DBF4B: variants seen among roughly 807,000 people sequenced by gnomAD.
DBF4B encodes protein DBF4 homolog B.
A neutral mutation model predicts 53.4 loss-of-function variants in DBF4B; 49 were observed. The ratio of observed to expected loss-of-function variants is 0.92; its 90% CI spans 0.73 to 1.16. The LOEUF is 1.16. Among genes scored for constraint, DBF4B ranks in the 50% most tolerant of loss-of-function variants. The pLI is 0.00. For missense variants in DBF4B, 692 were observed against 775.0 expected, an observed-to-expected ratio of 0.89 and a Z score of 1.27; for synonymous variants, 257 against 288.7, an observed-to-expected ratio of 0.89 and a Z score of 1.11.
intron 6 of DBF4B, among the ~76,000 whole-genome samples, chr17:44,733,144 G>A (rs1324396055): frequency 1.4e-5 from 2 of 146,746 alleles, no homozygotes; most frequent in Non-Finnish European, 3.0e-5. Flanking sequence ...CAGCCTGGGC[G>A]ACAGAGCGAG....
intron 2 of DBF4B, among the ~76,000 whole-genome samples, chr17:44,713,556 A>G (rs567069946): frequency 3.3e-5 from 5 of 152,136 alleles, no homozygotes; most frequent in Middle Eastern, 3.4e-3. Flanking sequence ...AGACTGAGGC[A>G]GGAGAATCAC....
rs68091397 is a variant in DBF4B, at chr17:44,725,684, C to CTTT, written c.225+2680_225+2682dup. The stretch of plus-strand genomic sequence containing the variant: ...ATCCTGCCTTTGTTTTTTTGTGCTT[C>CTTT]TTTTTTTTTTTTTTTTTTTTAAGAG... On this transcript the variant is annotated intron_variant, in intron 3 of 13. Transcript: ENST00000315005. Among the ~76,000 whole-genome samples, 207 of 87,634 alleles carry CTTT rather than the reference C, an allele frequency of 2.4e-3. 14 individuals are homozygous for CTTT. Among genetic ancestry groups the CTTT allele is most frequent in the African/African-American group, 6.3e-3 (131 of 20,854 alleles). The allele number at this position is 87,634 out of a possible 152,430, so 57.5% of individuals were successfully genotyped here. A position where few individuals can be genotyped will look rare whatever the true frequency, so the allele number is the denominator to read the frequency against.
intron 6 of DBF4B, chr17:44,732,655 C>T (rs1466797557): frequency 5.7e-6 from 1 of 174,120 alleles, no homozygotes; most frequent in Non-Finnish European, 1.2e-5. Context: ...ATCACAAGGT[C>T]AAGAGTTCGA....
chr17:44,750,803 G>T lies in DBF4B; in HGVS notation c.1398G>T (p.Glu466Asp). The change falls in exon 14 of 14, where the codon GAG becomes GAT. Residue 466 changes from glutamate to aspartate, a missense_variant. Glu to Asp is a conservative substitution (Grantham distance 45). Around this residue, in one of 3 missense-constraint regions of DBF4B, gnomAD observed 597 missense variants for 665.8 expected, o/e 0.90. Transcript: ENST00000315005. Reference sequence around the variant, plus strand: ...CTTCCTTGGCTCTGCTGCCTGGGGAGTGGTCGCCTGCAGAGGACATGCCCC... The same window carrying T: ...CTTCCTTGGCTCTGCTGCCTGGGGATTGGTCGCCTGCAGAGGACATGCCCC... Reference protein sequence around the residue: ...LVTSLALLPGEWSPAEDMPLH... With the variant: ...LVTSLALLPGDWSPAEDMPLH... 3 of 1,614,222 alleles carry T rather than the reference G, an allele frequency of 1.9e-6. No individual in the cohort carries two copies. Among genetic ancestry groups the T allele is most frequent in the Non-Finnish European group, 2.5e-6 (3 of 1,180,050 alleles).
chr17:44,719,302 TCA>T lies in DBF4B; in HGVS notation c.83-3572_83-3571del, dbSNP rs553483821. Among the ~76,000 whole-genome samples, 24 of 152,094 alleles carry T rather than the reference TCA, an allele frequency of 1.6e-4. 2 individuals carry two copies. The South Asian group carries it at 4.8e-3, about 30-fold the overall frequency. ...CTTAACAGCTTTTTTGAGTTATAGT[TCA>T]CACACCACACAATTCATCCATATAA... On this transcript the variant is annotated intron_variant, in intron 2 of 13. Transcript: ENST00000315005.
At chr17:44,740,861 C>T (rs1324083978) in intron 9 of DBF4B, among the ~76,000 whole-genome samples, 4 of 152,182 alleles carry the variant, frequency 2.6e-5, no homozygotes, top group African/African-American at 7.2e-5. Context: ...AGGGGCCGGG[C>T]GTGGTGGCTC....
chr17:44,734,933 G>A (rs551246764), intron 7 of DBF4B, among the ~76,000 whole-genome samples: 1 of 152,190 alleles, frequency 6.6e-6, no homozygotes, highest in South Asian at 2.1e-4. Context: ...GTGAAACCCC[G>A]ACTGTGCTAA....
intron 3 of DBF4B, among the ~76,000 whole-genome samples, chr17:44,729,683 TACACACACACACAC>T (rs71361592): frequency 6.9e-4 from 95 of 138,232 alleles, no homozygotes; most frequent in Middle Eastern, 3.7e-3. Flanking sequence ...GTAATACACA[TACACACACACACAC>T]ACACACACAC....
intron 9 of DBF4B, among the ~76,000 whole-genome samples, chr17:44,740,343 A>G (rs1247040951): frequency 6.6e-6 from 1 of 152,162 alleles, no homozygotes; most frequent in Non-Finnish European, 1.5e-5. Flanking sequence ...GCAACCAAAC[A>G]TGGTGCACCC....
At chr17:44,729,151 A>C (rs1055611622) in intron 3 of DBF4B, among the ~76,000 whole-genome samples, 2 of 152,094 alleles carry the variant, frequency 1.3e-5, no homozygotes, top group South Asian at 2.1e-4. Context: ...ATTCATAACT[A>C]ATTTTTTTAA....
In DBF4B at chr17:44,750,809, GC is replaced by G; in HGVS notation, c.1406del (p.Pro469LeufsTer48). ...TGGCTCTGCTGCCTGGGGAGTGGTC[GC>G]CTGCAGAGGACATGCCCCTCCATCC... ...SLALLPGEWS[P>X]AEDMPLHPSQ... On this transcript the variant is annotated frameshift_variant, in exon 14 of 14. Coordinates refer to ENST00000315005, the MANE Select transcript of DBF4B (RefSeq NM_145663.3). LOFTEE classifies it low-confidence loss of function (END_TRUNC). 6.2e-7 allele frequency: 1 copy of G among 1,614,202 alleles called. No individual in the cohort carries two copies. The highest frequency in any genetic ancestry group is 8.5e-7 in the Non-Finnish European group (1 of 1,180,040).
chr17:44,733,886 G>A (rs987993372), intron 6 of DBF4B: 1 of 580,298 alleles, frequency 1.7e-6, no homozygotes, highest in South Asian at 2.1e-5. Flanking sequence ...ACCCGCTCAG[G>A]TGCTGTTCCA....
intron 12 of DBF4B, 77 bp downstream of exon 12, chr17:44,747,592 T>C: frequency 6.4e-7 from 1 of 1,564,790 alleles, no homozygotes; most frequent in Non-Finnish European, 8.7e-7. Flanking sequence ...GACCCTCAGG[T>C]TGGTGGCTGC....
rs763504982 is a variant in DBF4B at position 44,730,975 on chromosome 17, G to A, written c.428G>A (p.Ser143Asn). The change falls in exon 5 of 14, where the codon AGC becomes AAC. Residue 143 changes from serine to asparagine, a missense_variant. Ser to Asn is a conservative substitution (Grantham distance 46, BLOSUM62 1). Coordinates refer to ENST00000315005, the MANE Select transcript of DBF4B (RefSeq NM_145663.3). Reference sequence around the variant, plus strand: ...TTCTGTCCCTGTCAGGTGCCTCTAAGCAGAGGGAAGGAGCTGCTGCAGAAG... The same window carrying A: ...TTCTGTCCCTGTCAGGTGCCTCTAAACAGAGGGAAGGAGCTGCTGCAGAAG... ...SRKPVDSVPL[S>N]RGKELLQKAI... The A allele has an allele frequency of 5.0e-6, 8 of 1,613,906 alleles. No individual in the cohort carries two copies. In the Admixed American group the frequency reaches 8.3e-5, roughly 17 times the overall value.
At chr17:44,722,608 C>G (rs569859032) in intron 2 of DBF4B, among the ~76,000 whole-genome samples, 2 of 152,202 alleles carry the variant, frequency 1.3e-5, no homozygotes, top group Non-Finnish European at 2.9e-5. Flanking sequence ...TGTCTAATTT[C>G]TTTTTACTTA....
At chr17:44,710,316 C>T in intron 2 of DBF4B, among the ~76,000 whole-genome samples, 1 of 151,938 alleles carries the variant, frequency 6.6e-6, no homozygotes, top group Non-Finnish European at 1.5e-5. Context: ...TTTTTTCCCC[C>T]TTCTGTTTCT....
intron 10 of DBF4B, among the ~76,000 whole-genome samples, chr17:44,744,078 A>ACCCC (rs1427135044): frequency 8.3e-5 from 1 of 12,072 alleles, no homozygotes; most frequent in African/African-American, 3.9e-4. Context: ...ACATAATGAG[A>ACCCC]CCACCCCCCC....
chr17:44,730,898 T>C, intron 4 of DBF4B, 67 bp from the exon 5 acceptor site: 1 of 1,557,614 alleles, frequency 6.4e-7, no homozygotes, highest in African/African-American at 1.4e-5. Context: ...CACCAGCTCC[T>C]GTGTAAACAT....
At chr17:44,736,071 T>A (rs1975395521) in intron 7 of DBF4B, among the ~76,000 whole-genome samples, 1 of 151,998 alleles carries the variant, frequency 6.6e-6, no homozygotes, top group African/African-American at 2.4e-5. Context: ...AACCTCCACC[T>A]CCTGGGCTCA....
Sources: gnomAD v4.1 joint callset for allele counts (sites outside exome capture counted in the v4.1 genomes callset) on GRCh38, gnomAD v4.1.1 for gene constraint, gnomAD v4.1.1 regional missense constraint, MANE v1.5 for transcripts, NCBI Gene and HGNC (gene_info 2026-07-23, HGNC 2026-07-21) for gene names.